The following PEAK1 variants were observed in gnomAD, a reference collection of about 807,000 sequenced individuals.
PEAK1 encodes the protein inactive tyrosine-protein kinase PEAK1.
Under a neutral mutation model 124.7 loss-of-function variants are expected in PEAK1, and 54 were observed. That is an observed-to-expected ratio of 0.43 (90% CI 0.35 to 0.54). The LOEUF (loss-of-function observed/expected upper bound fraction) is 0.54. Ranked by LOEUF, PEAK1 falls within the 20% of genes least tolerant of loss-of-function variation. The probability of loss-of-function intolerance (pLI) is 0.01; values close to 1 mark genes in which losing one functional copy is unlikely to be tolerated. For synonymous variants in PEAK1, 719 were observed against 760.0 expected, an observed-to-expected ratio of 0.95 and a Z score of 0.89; for missense variants, 2,046 against 2,134.5, an observed-to-expected ratio of 0.96 and a Z score of 0.82.
At chr15:77,293,799 C>T (rs1314734721) in intron 2 of PEAK1, among the ~76,000 whole-genome samples, 1 of 152,052 alleles carries the variant, frequency 6.6e-6, no homozygotes, top group Non-Finnish European at 1.5e-5. Context: ...AATATAGAGA[C>T]AGAAAATATT....
In PEAK1 at chr15:77,138,666, C is replaced by T. The variant is rs146808804; in HGVS notation, c.3332-4916G>A. Among the ~76,000 whole-genome samples the T allele has an allele frequency of 9.7e-3, 1,475 of 152,198 alleles. 10 individuals carry two copies. The highest frequency in any genetic ancestry group is 0.015 in the Non-Finnish European group (1,043 of 67,992). Reference sequence around the variant, plus strand: ...ACCACTTGAGGCCAGGAGTTTGAGACCAGCCTGGCCAACATGGAAACCGTG... The same window carrying T: ...ACCACTTGAGGCCAGGAGTTTGAGATCAGCCTGGCCAACATGGAAACCGTG... On this transcript the variant is annotated intron_variant, in intron 8 of 9. Coordinates refer to ENST00000682557, the MANE Select transcript of PEAK1 (RefSeq NM_001385026.1).
At chr15:77,376,841 GAAATCATGCCTTTAAC>G (rs1353526131) in intron 1 of PEAK1, among the ~76,000 whole-genome samples, 2 of 152,042 alleles carry the variant, frequency 1.3e-5, no homozygotes, top group Non-Finnish European at 2.9e-5. Context: ...TTATTTGAAA[GAAATCATGCCTTTAAC>G]AAAAGCTGTA....
chr15:77,140,782 T>C (rs2053719666), intron 8 of PEAK1, among the ~76,000 whole-genome samples: 1 of 151,814 alleles, frequency 6.6e-6, no homozygotes, highest in African/African-American at 2.4e-5. Context: ...TCACCCAGGC[T>C]GGAGTGCAGT....
At chr15:77,106,525 G>A (rs917550449), downstream of PEAK1, 2 of 152,216 alleles carry the variant, frequency 1.3e-5, no homozygotes, top group South Asian at 2.1e-4. Flanking sequence ...CACCAAGCCC[G>A]GCTAACTTTT....
At chr15:77,367,455 G>A (rs1034446588) in intron 1 of PEAK1, among the ~76,000 whole-genome samples, 2 of 152,102 alleles carry the variant, frequency 1.3e-5, no homozygotes, top group Non-Finnish European at 2.9e-5. Context: ...TGATTATGGC[G>A]GTTGTCAACA....
intron 2 of PEAK1, among the ~76,000 whole-genome samples, chr15:77,322,983 A>G (rs1477467771): frequency 4.3e-4 from 66 of 151,936 alleles, no homozygotes; most frequent in African/African-American, 1.4e-3. Flanking sequence ...TTCAACATAC[A>G]CAAATCAATA....
downstream of PEAK1, chr15:77,104,135 C>CAA (rs2050723132): frequency 2.0e-5 from 3 of 152,404 alleles, no homozygotes; most frequent in Middle Eastern, 3.4e-3. Context: ...TCAGCTCTAC[C>CAA]ACTTACCAGC....
intron 8 of PEAK1, among the ~76,000 whole-genome samples, chr15:77,141,345 A>G (rs1034748655): frequency 7.9e-5 from 12 of 152,254 alleles, no homozygotes; most frequent in African/African-American, 2.9e-4. Context: ...AAACTAGTGT[A>G]AGACTTGTAC....
At chr15:77,158,930 G>A (rs941189787) in intron 7 of PEAK1, among the ~76,000 whole-genome samples, 1 of 152,176 alleles carries the variant, frequency 6.6e-6, no homozygotes, top group Non-Finnish European at 1.5e-5. Context: ...GGGAACTTGA[G>A]AATAACAGTC....
intron 1 of PEAK1, chr15:77,403,042 T>G (rs992561570): frequency 8.1e-6 from 8 of 985,076 alleles, no homozygotes; most frequent in Non-Finnish European, 9.6e-6. Flanking sequence ...AAATGTTGCA[T>G]CCCATTGCAG....
chr15:77,365,670 G>A (rs961240406), intron 1 of PEAK1, among the ~76,000 whole-genome samples: 7 of 151,366 alleles, frequency 4.6e-5, no homozygotes, highest in African/African-American at 1.7e-4. Flanking sequence ...AACCCGGGAG[G>A]CGGAGGTTGC....
chr15:77,136,413 C>T (rs959781145), intron 8 of PEAK1, among the ~76,000 whole-genome samples: 1 of 152,154 alleles, frequency 6.6e-6, no homozygotes, highest in Non-Finnish European at 1.5e-5. Context: ...TGCCTGTAAT[C>T]CCAGCACTTT....
At chr15:77,267,817 C>CA (rs557757535) in intron 5 of PEAK1, among the ~76,000 whole-genome samples, 2 of 152,012 alleles carry the variant, frequency 1.3e-5, no homozygotes, top group African/African-American at 4.8e-5. Flanking sequence ...TTAACACCCC[C>CA]AAAAAATCAC....
At chr15:77,289,137 T>G (rs1001627537) in intron 2 of PEAK1, among the ~76,000 whole-genome samples, 4 of 152,168 alleles carry the variant, frequency 2.6e-5, no homozygotes, top group African/African-American at 9.7e-5. Context: ...TGAAACCATA[T>G]GGCAAAGTTG....
chr15:77,145,265 A>G (rs2152760428), intron 8 of PEAK1, among the ~76,000 whole-genome samples: 1 of 152,304 alleles, frequency 6.6e-6, no homozygotes, highest in East Asian at 1.9e-4. Flanking sequence ...CCTGGGCAAC[A>G]TGGTGAAACC....
chr15:77,139,654 C>T (rs1224293815), intron 8 of PEAK1, among the ~76,000 whole-genome samples: 3 of 152,156 alleles, frequency 2.0e-5, no homozygotes, highest in African/African-American at 7.2e-5. Context: ...CCCATGCACA[C>T]TACTTTCTTC....
At chr15:77,400,513 T>C (rs2071281049) in intron 1 of PEAK1, among the ~76,000 whole-genome samples, 1 of 151,916 alleles carries the variant, frequency 6.6e-6, no homozygotes, top group African/African-American at 2.4e-5. Context: ...TGCAACAACA[T>C]GGATGGAAAT....
At chr15:77,372,380 C>T (rs2068705957) in intron 1 of PEAK1, among the ~76,000 whole-genome samples, 1 of 152,120 alleles carries the variant, frequency 6.6e-6, no homozygotes, top group African/African-American at 2.4e-5. Context: ...GAATTTGTAG[C>T]CCTCCATAGC....
At chr15:77,419,564 A>G (rs2073192124) in intron 1 of PEAK1, 1 of 984,920 alleles carries the variant, frequency 1.0e-6, no homozygotes, top group South Asian at 4.7e-5. Context: ...GAGCGGGCTG[A>G]CCGTGTGGAC....
Sources: gnomAD v4.1 joint callset for allele counts (sites outside exome capture counted in the v4.1 genomes callset) on GRCh38, gnomAD v4.1.1 for gene constraint, MANE v1.5 for transcripts, NCBI Gene and HGNC (gene_info 2026-07-23, HGNC 2026-07-21) for gene names.